The following CCDC171 variants were observed in gnomAD, a reference collection of about 807,000 sequenced individuals.
CCDC171 encodes coiled-coil domain-containing protein 171.
Under a neutral mutation model 168.2 loss-of-function variants are expected in CCDC171, and 177 were observed. The ratio of observed to expected loss-of-function variants is 1.05; its 90% confidence interval spans 0.93 to 1.19. CCDC171 has a LOEUF of 1.19. CCDC171 is among the 50% of genes most tolerant of loss of function. The pLI is 0.00. For synonymous variants in CCDC171, 687 were observed against 540.8 expected (o/e 1.27, Z -3.75); for missense variants, 1,991 against 1,539.0 (o/e 1.29, Z -4.91).
At chr9:15,908,315 C>G (rs950485913) in intron 24 of CCDC171, among the ~76,000 whole-genome samples, 1 of 152,138 alleles carries the variant, frequency 6.6e-6, no homozygotes, top group African/African-American at 2.4e-5. Flanking sequence ...CCATGGAATA[C>G]TATGCAGCCA....
intron 8 of CCDC171, among the ~76,000 whole-genome samples, chr9:15,665,588 C>T (rs2048676694): frequency 6.6e-6 from 1 of 152,080 alleles, no homozygotes; most frequent in African/African-American, 2.4e-5. Context: ...TAAGACCAGC[C>T]TGGGCAAGAT....
chr9:15,968,023 G>A (rs1830973807), intron 25 of CCDC171, among the ~76,000 whole-genome samples: 1 of 152,122 alleles, frequency 6.6e-6, no homozygotes, highest in Admixed American at 6.6e-5. Context: ...CTTGAAAAAT[G>A]GCTATTGAAT....
intron 6 of CCDC171, 70 bp downstream of exon 6, chr9:15,594,242 G>T: frequency 1.2e-6 from 1 of 853,260 alleles, no homozygotes; most frequent in Admixed American, 2.9e-5. Context: ...TTACATTAGT[G>T]GGATAACTGA....
intron 4 of CCDC171, among the ~76,000 whole-genome samples, chr9:16,021,276 C>A (rs1482686281): frequency 6.6e-6 from 1 of 152,132 alleles, no homozygotes; most frequent in African/African-American, 2.4e-5. Flanking sequence ...TTAGTAGAGA[C>A]AGGGTTTCAC....
rs1315857746 is a variant in CCDC171, at chr9:15,777,820, C to T, written c.2892C>T (p.Pro964=). 9 of 1,601,330 alleles carry T rather than the reference C, an allele frequency of 5.6e-6. No homozygotes were observed. Among genetic ancestry groups the T allele is most frequent in the Non-Finnish European group, 6.8e-6 (8 of 1,175,000 alleles). ...AATATGGTTTGCGTGGCCATGTGCC[C>T]ATTACGGTATGTATACACTTTCATT... ...ALKYGLRGHV[P]ITKSTASLQK... The change falls in exon 19 of 26, where the codon CCC becomes CCT. Residue 964 remains proline (P), a synonymous_variant. Transcript: ENST00000380701.
At chr9:15,655,210 G>T (rs923473653) in intron 7 of CCDC171, among the ~76,000 whole-genome samples, 3 of 151,844 alleles carry the variant, frequency 2.0e-5, no homozygotes, top group Non-Finnish European at 2.9e-5. Context: ...AGGGTAAATG[G>T]TTTAGTAAAT....
chr9:16,025,616 T>C (rs1833261637), intron 6 of CCDC171, among the ~76,000 whole-genome samples: 2 of 152,150 alleles, frequency 1.3e-5, no homozygotes, highest in Admixed American at 6.5e-5. Flanking sequence ...CCATTAAAAG[T>C]AATGAAGCAC....
chr9:15,894,561 C>T (rs1378931535), intron 24 of CCDC171, among the ~76,000 whole-genome samples: 1 of 151,972 alleles, frequency 6.6e-6, no homozygotes, highest in South Asian at 2.1e-4. Flanking sequence ...TGATCTGGGC[C>T]CTGCTGCTCT....
intron 12 of CCDC171, 71 bp from the exon 13 acceptor site, chr9:15,723,610 C>A: frequency 1.9e-6 from 2 of 1,040,246 alleles, no homozygotes; most frequent in South Asian, 1.4e-5. Context: ...TTTGAGTTAC[C>A]CATCCTTGAA....
chr9:15,616,299 T>G (rs894402199), intron 6 of CCDC171, among the ~76,000 whole-genome samples: 2 of 152,010 alleles, frequency 1.3e-5, no homozygotes, highest in South Asian at 4.1e-4. Flanking sequence ...TTGCCCAGTG[T>G]GGTCTTGAAC....
intron 16 of CCDC171, among the ~76,000 whole-genome samples, chr9:15,737,965 A>T (rs926014791): frequency 6.6e-6 from 1 of 152,232 alleles, no homozygotes; most frequent in Non-Finnish European, 1.5e-5. Flanking sequence ...ACAGAGAAAC[A>T]TTTACATAAT....
intron 6 of CCDC171, among the ~76,000 whole-genome samples, chr9:15,607,706 A>C (rs1289961696): frequency 6.6e-6 from 1 of 151,774 alleles, no homozygotes; most frequent in Non-Finnish European, 1.5e-5. Context: ...CCAGTGATCC[A>C]CCCGCCTTGG....
intron 9 of CCDC171, among the ~76,000 whole-genome samples, chr9:15,670,620 A>G (rs2049043638): frequency 6.6e-6 from 1 of 151,980 alleles, no homozygotes; most frequent in Non-Finnish European, 1.5e-5. Flanking sequence ...CTTCTCCCAC[A>G]CCACAGACAC....
chr9:15,671,589 A>G (rs1415396511), intron 9 of CCDC171, among the ~76,000 whole-genome samples: 1 of 142,474 alleles, frequency 7.0e-6, no homozygotes, highest in Non-Finnish European at 1.5e-5. Context: ...ATTCCCACCT[A>G]TGAGTGACAA....
intron 8 of CCDC171, among the ~76,000 whole-genome samples, chr9:15,660,492 T>C (rs533990849): frequency 6.6e-6 from 1 of 152,274 alleles, no homozygotes; most frequent in African/African-American, 2.4e-5. Context: ...CCTCTAGTAG[T>C]CCCCAGTGTG....
chr9:15,805,069 T>A (rs566380333), intron 21 of CCDC171, among the ~76,000 whole-genome samples: 3 of 152,206 alleles, frequency 2.0e-5, no homozygotes, highest in African/African-American at 7.2e-5. Context: ...TCTGTGATGG[T>A]TGTTTGTATT....
the CCDC171 span, among the ~76,000 whole-genome samples, chr9:16,067,490 G>T: frequency 6.6e-6 from 1 of 152,066 alleles, no homozygotes; most frequent in South Asian, 2.1e-4. Context: ...GTCAATTTTG[G>T]CTTTTGTTGC....
At chr9:15,804,755 G>C (rs2058995490) in intron 21 of CCDC171, among the ~76,000 whole-genome samples, 1 of 152,000 alleles carries the variant, frequency 6.6e-6, no homozygotes, top group Non-Finnish European at 1.5e-5. Context: ...CATAGAATGA[G>C]TTTGGTTGGT....
intron 12 of CCDC171, among the ~76,000 whole-genome samples, chr9:15,723,168 G>A (rs1440436237): frequency 2.6e-5 from 4 of 152,226 alleles, no homozygotes; most frequent in African/African-American, 9.6e-5. Context: ...AATCACAAGC[G>A]GTGCAGGACC....
Sources: allele counts gnomAD v4.1 joint callset (sites outside exome capture counted in the v4.1 genomes callset), GRCh38; gene constraint gnomAD v4.1.1; transcripts MANE v1.5; gene names NCBI Gene and HGNC (gene_info 2026-07-23, HGNC 2026-07-21).